SHTN1: variants seen among roughly 807,000 people sequenced by gnomAD.
The protein encoded by SHTN1 is shootin-1.
A neutral mutation model predicts 83.1 loss-of-function variants in SHTN1; 42 were observed. That is an observed-to-expected ratio of 0.51 (90% CI 0.39 to 0.65). SHTN1 has a LOEUF of 0.65. Among genes scored for constraint, SHTN1 ranks in the 30% least tolerant of loss-of-function variants. The pLI, the probability that SHTN1 is intolerant of heterozygous loss-of-function variation, is 0.00. For missense variants in SHTN1, 622 were observed against 737.8 expected (o/e 0.84, Z 1.82); for synonymous variants, 224 against 247.7 (o/e 0.90, Z 0.90).
intron 1 of SHTN1, among the ~76,000 whole-genome samples, chr10:117,108,341 A>G (rs1464475757): frequency 1.3e-5 from 2 of 152,110 alleles, no homozygotes; most frequent in Non-Finnish European, 2.9e-5. Context: ...GATTAAGAAA[A>G]TGTGGCACAT....
At chr10:117,028,220 A>AAACT (rs1299031957) in intron 2 of SHTN1, among the ~76,000 whole-genome samples, 3 of 152,216 alleles carry the variant, frequency 2.0e-5, no homozygotes, top group Non-Finnish European at 4.4e-5. Context: ...TCTAAGCAGA[A>AAACT]AACTATTCAA....
intron 1 of SHTN1, among the ~76,000 whole-genome samples, chr10:116,993,588 C>T (rs1248398165): frequency 2.0e-5 from 3 of 151,938 alleles, no homozygotes; most frequent in Non-Finnish European, 4.4e-5. Flanking sequence ...AGAGTTCTTG[C>T]TTGGGTAGTA....
At chr10:116,920,352 C>T (rs979104966) in intron 12 of SHTN1, among the ~76,000 whole-genome samples, 3 of 152,170 alleles carry the variant, frequency 2.0e-5, no homozygotes, top group Non-Finnish European at 4.4e-5. Context: ...TAGCCATTTG[C>T]TGGCTCTGCT....
chr10:116,905,976 T>G (rs190542583), intron 15 of SHTN1, among the ~76,000 whole-genome samples: 1 of 152,202 alleles, frequency 6.6e-6, no homozygotes, highest in Admixed American at 6.5e-5. Flanking sequence ...TGGTACATTA[T>G]AGTCAGTGAC....
intron 2 of SHTN1, among the ~76,000 whole-genome samples, chr10:117,042,634 T>TC: frequency 6.6e-6 from 1 of 152,098 alleles, no homozygotes; most frequent in Non-Finnish European, 1.5e-5. Flanking sequence ...ACTTCCTTTT[T>TC]TTTTTGAGTC....
At chr10:116,901,129 G>T (rs530379525) in intron 16 of SHTN1, 1 of 985,262 alleles carries the variant, frequency 1.0e-6, no homozygotes, top group Non-Finnish European at 1.2e-6. Context: ...CCTGGCAAGA[G>T]AACTAAAGCA....
chr10:117,095,631 A>G (rs537509263), intron 1 of SHTN1, among the ~76,000 whole-genome samples: 1 of 152,338 alleles, frequency 6.6e-6, no homozygotes, highest in East Asian at 1.9e-4. Flanking sequence ...TTTTCCTTCC[A>G]TAAAACAAAA....
intron 1 of SHTN1, among the ~76,000 whole-genome samples, chr10:117,095,941 T>C (rs149719731): frequency 3.9e-5 from 6 of 152,280 alleles, no homozygotes; most frequent in African/African-American, 1.2e-4. Context: ...ACACCTCTAT[T>C]TTGCCCTTGA....
chr10:117,091,450 A>T (rs1284143499), intron 1 of SHTN1, among the ~76,000 whole-genome samples: 3 of 152,176 alleles, frequency 2.0e-5, no homozygotes, highest in Non-Finnish European at 4.4e-5. Context: ...TTTCCCCATA[A>T]ATGACCTTTC....
chr10:117,038,716 G>A (rs1272642866), intron 2 of SHTN1, among the ~76,000 whole-genome samples: 1 of 151,808 alleles, frequency 6.6e-6, no homozygotes. Flanking sequence ...TATTTAGATG[G>A]CAAATATGCA....
At chr10:116,932,257 A>T (rs968229717) in intron 9 of SHTN1, among the ~76,000 whole-genome samples, 9 of 152,164 alleles carry the variant, frequency 5.9e-5, no homozygotes, top group Non-Finnish European at 8.8e-5. Context: ...GCCTGTTAGG[A>T]ACCAGGCTGC....
At chr10:116,993,491 T>G (rs570169345) in intron 1 of SHTN1, among the ~76,000 whole-genome samples, 1 of 152,112 alleles carries the variant, frequency 6.6e-6, no homozygotes, top group Non-Finnish European at 1.5e-5. Flanking sequence ...CTTGGGCAAA[T>G]AAGACTAGTT....
intron 15 of SHTN1, among the ~76,000 whole-genome samples, chr10:116,905,418 G>C (rs1847932336): frequency 1.3e-5 from 2 of 152,138 alleles, no homozygotes; most frequent in African/African-American, 2.4e-5. Context: ...GGGGGGCACA[G>C]TAGGAGGGGA....
chr10:117,078,173 T>C (rs545037735), intron 1 of SHTN1, among the ~76,000 whole-genome samples: 134 of 152,270 alleles, frequency 8.8e-4, no homozygotes, highest in South Asian at 1.2e-3. Flanking sequence ...CACATGGGAT[T>C]AAGATCCTGA....
In SHTN1 at chr10:116,886,297, G is replaced by C. The variant is rs1011761833; in HGVS notation, c.*47C>G. 1.3e-6 allele frequency: 2 copies of C among 1,551,146 alleles called. No individual in the cohort carries two copies. The highest frequency in any genetic ancestry group is 4.9e-5 in the East Asian group (2 of 40,904). ...GCCAATATAACAACACTAATCATGT[G>C]CTTATTGAAAAGGACTTCCAAACAT... On this transcript the variant is annotated 3_prime_UTR_variant, in exon 17 of 17. Coordinates refer to ENST00000355371, the MANE Select transcript of SHTN1 (RefSeq NM_001127211.3).
At chr10:117,110,463 T>C (rs571829631) in intron 1 of SHTN1, among the ~76,000 whole-genome samples, 115 of 152,224 alleles carry the variant, frequency 7.6e-4, no homozygotes, top group Non-Finnish European at 1.5e-3. Flanking sequence ...GAAATTCTCC[T>C]GCCTCAGTCT....
chr10:116,966,847 CTAAGAA>C (rs1006499072), intron 3 of SHTN1, among the ~76,000 whole-genome samples: 2 of 152,144 alleles, frequency 1.3e-5, no homozygotes, highest in African/African-American at 2.4e-5. Context: ...TGGTATAACT[CTAAGAA>C]TAAGTACATT....
At chr10:116,921,000 C>T (rs1194579696) in intron 12 of SHTN1, among the ~76,000 whole-genome samples, 2 of 152,176 alleles carry the variant, frequency 1.3e-5, no homozygotes, top group Non-Finnish European at 2.9e-5. Context: ...TACATATTTA[C>T]TTGTTTACTT....
intron 1 of SHTN1, among the ~76,000 whole-genome samples, chr10:116,983,102 T>C (rs1008588607): frequency 6.6e-6 from 1 of 152,170 alleles, no homozygotes; most frequent in African/African-American, 2.4e-5. Context: ...TATAGGACAG[T>C]AATTAAAAAG....
Sources: allele counts gnomAD v4.1 joint callset (sites outside exome capture counted in the v4.1 genomes callset), GRCh38; gene constraint gnomAD v4.1.1; transcripts MANE v1.5; gene names NCBI Gene and HGNC (gene_info 2026-07-23, HGNC 2026-07-21).